The following ERG variants were observed in gnomAD, a reference collection of about 807,000 sequenced individuals.
The protein encoded by ERG is ETS transcription factor ERG.
A neutral mutation model predicts 55.3 loss-of-function variants in ERG; 9 were observed. That is an observed-to-expected ratio of 0.16 (90% CI 0.10 to 0.28). The LOEUF (loss-of-function observed/expected upper bound fraction) is 0.28. Among genes scored for constraint, ERG ranks in the 10% least tolerant of loss-of-function variants. The pLI, the probability that ERG is intolerant of heterozygous loss-of-function variation, is 1.00. For missense variants in ERG, 434 were observed against 631.6 expected, an observed-to-expected ratio of 0.69 and a Z score of 3.35; for synonymous variants, 223 against 237.3, an observed-to-expected ratio of 0.94 and a Z score of 0.55.
intron 1 of ERG, among the ~76,000 whole-genome samples, chr21:38,657,003 C>T (rs2060523462): frequency 6.6e-6 from 1 of 152,056 alleles, no homozygotes; most frequent in Non-Finnish European, 1.5e-5. Context: ...TAAAACAATT[C>T]AAAATCATAG....
chr21:38,367,653 A>G, the ERG span: 3 of 514,796 alleles, frequency 5.8e-6, no homozygotes, highest in Non-Finnish European at 1.1e-5. Context: ...TCCAACCTAT[A>G]CAAAAAGGGT....
chr21:38,648,020 C>A (rs913964454), intron 1 of ERG, among the ~76,000 whole-genome samples: 2 of 152,246 alleles, frequency 1.3e-5, no homozygotes, highest in Non-Finnish European at 2.9e-5. Flanking sequence ...TGTTAAGTGT[C>A]CAATGCAGCA....
chr21:38,423,535 G>T lies in ERG; in HGVS notation c.263C>A (p.Ala88Asp), dbSNP rs775515463. Residue 88 changes from alanine (A) to aspartate (D), a missense_variant, in exon 3 of 10, where the codon GCC (alanine) becomes GAC (aspartate). Coordinates refer to ENST00000288319, the MANE Select transcript of ERG (RefSeq NM_182918.4). ...SRNSPDECSV[A>D]KGGKMVGSPD... ...GCTGCCCACCATCTTCCCGCCTTTG[G>T]CCACACTGCATTCATCAGGAGAGTT... 1 of 1,613,844 alleles carries T rather than the reference G, an allele frequency of 6.2e-7. No individual in the cohort carries two copies. The highest frequency in any genetic ancestry group is 1.3e-5 in the African/African-American group (1 of 74,922).
intron 3 of ERG, among the ~76,000 whole-genome samples, chr21:38,417,022 G>T (rs1198346108): frequency 2.0e-5 from 3 of 152,200 alleles, no homozygotes; most frequent in African/African-American, 7.2e-5. Context: ...CTGAAATACT[G>T]GTCTGAGTCA....
chr21:38,586,431 C>T (rs1451953904), upstream of ERG, among the ~76,000 whole-genome samples: 1 of 152,046 alleles, frequency 6.6e-6, no homozygotes, highest in Non-Finnish European at 1.5e-5. Flanking sequence ...TCCTGTCTAA[C>T]TGAAATTTTG....
At chr21:38,620,915 G>GA (rs541508292) in intron 1 of ERG, among the ~76,000 whole-genome samples, 136 of 152,354 alleles carry the variant, frequency 8.9e-4, no homozygotes, top group African/African-American at 3.1e-3. Flanking sequence ...TGTTCAGTAA[G>GA]AAGGACCTTA....
Position 38,421,385 on chromosome 21 carries a change from C to T in ERG, c.388+2025G>A, listed in dbSNP as rs117446203. Among the ~76,000 whole-genome samples, 798 of 152,318 alleles carry T rather than the reference C, an allele frequency of 5.2e-3. 10 individuals carry two copies. The highest frequency in any genetic ancestry group is 0.015 in the South Asian group (73 of 4,822). On this transcript the variant is annotated intron_variant, in intron 3 of 9. Transcript: ENST00000288319. ...ACCCCACTGCATCGAACCAGCTTTACGTGTTTGCTGAAAGTCACATGGTGA... is the reference window on the plus strand; with the variant it reads ...ACCCCACTGCATCGAACCAGCTTTATGTGTTTGCTGAAAGTCACATGGTGA...
intron 2 of ERG, among the ~76,000 whole-genome samples, chr21:38,507,368 C>T (rs1280203497): frequency 6.6e-6 from 1 of 152,218 alleles, no homozygotes; most frequent in Non-Finnish European, 1.5e-5. Context: ...ATTCCTTTTT[C>T]AATCAACCAG....
intron 2 of ERG, among the ~76,000 whole-genome samples, chr21:38,568,198 A>AGTATCTCCCCTTCCACTGCTATATGCT (rs2059935065): frequency 6.6e-6 from 1 of 152,112 alleles, no homozygotes; most frequent in Non-Finnish European, 1.5e-5. Flanking sequence ...TGCTATATGC[A>AGTATCTCCCCTTCCACTGCTATATGCT]CCAGTATGCT....
At chr21:38,465,854 T>C (rs1418972889) in intron 1 of ERG, among the ~76,000 whole-genome samples, 1 of 152,178 alleles carries the variant, frequency 6.6e-6, no homozygotes, top group Non-Finnish European at 1.5e-5. Context: ...TCATCCTCCT[T>C]GATCCCATCC....
chr21:38,573,601 A>G lies in ERG; in HGVS notation c.-41+2061T>C, dbSNP rs372386972. 5.8e-4 allele frequency among the ~76,000 whole-genome samples: 89 copies of G among 152,306 alleles called. 2 individuals carry two copies. In the East Asian group the frequency reaches 7.3e-3, roughly 13 times the overall value. ...ACCTTCCCTTGAACTTAATTATGAC[A>G]TAGATTCTTTTGCTCACATGTTTTT... On this transcript the variant is annotated intron_variant, in intron 2 of 8. Coordinates refer to the ERG transcript ENST00000398897.
At chr21:38,570,140 T>C (rs1326556702) in intron 2 of ERG, among the ~76,000 whole-genome samples, 5 of 152,180 alleles carry the variant, frequency 3.3e-5, no homozygotes, top group Non-Finnish European at 5.9e-5. Context: ...AATACAAAAG[T>C]GCTTGTACAA....
In ERG at chr21:38,391,010, G is replaced by A. The variant is rs1401427882; in HGVS notation, c.904C>T (p.Arg302Cys). Reference sequence around the variant, plus strand: ...AGTTTCTCACCTGGATTTGCAAGGCGGCTACTTGTTGGTCCAAGAATCTGA... The same window carrying A: ...AGTTTCTCACCTGGATTTGCAAGGCAGCTACTTGTTGGTCCAAGAATCTGA... The part of the protein sequence containing the change: ...PYQILGPTSS[R>C]LANPGSGQIQ... Residue 302 changes from arginine to cysteine, a missense_variant, in exon 9 of 10, where the codon CGC (arginine) becomes TGC (cysteine). This residue lies in a region of ERG where 99 missense variants were observed against 145.6 expected (regional missense o/e 0.68). Coordinates refer to ENST00000288319, the MANE Select transcript of ERG (RefSeq NM_182918.4). 10 of 1,613,356 alleles carry A rather than the reference G, an allele frequency of 6.2e-6. No individual in the cohort carries two copies. The highest frequency in any genetic ancestry group is 1.7e-5 in the Admixed American group (1 of 59,868).
intron 3 of ERG, among the ~76,000 whole-genome samples, chr21:38,407,886 T>C (rs984085951): frequency 1.4e-5 from 2 of 147,452 alleles, no homozygotes; most frequent in Non-Finnish European, 3.0e-5. Flanking sequence ...AAATATATAA[T>C]ATATATAGAA....
rs925574165 is a variant in ERG, at chr21:38,380,296, A to G, written c.*3107T>C. ...CCTCCGGCTCCTGCTCCTGGGTTGC[A>G]GGTGCCACATCTGTGCAGAAGGCTT... On this transcript the variant is annotated 3_prime_UTR_variant, in exon 10 of 10. Transcript: ENST00000288319. 8 of 1,055,008 alleles carry G rather than the reference A, an allele frequency of 7.6e-6. No homozygotes were observed. Among genetic ancestry groups the G allele is most frequent in the Non-Finnish European group, 9.2e-6 (8 of 872,908 alleles). 65.4% of individuals were successfully genotyped at this position (1,055,008 alleles called of 1,614,324 possible). A position where few individuals can be genotyped will look rare whatever the true frequency, so the allele number is the denominator to read the frequency against.
intron 1 of ERG, among the ~76,000 whole-genome samples, chr21:38,590,884 G>A (rs2060096498): frequency 6.6e-6 from 1 of 152,230 alleles, no homozygotes; most frequent in South Asian, 2.1e-4. Context: ...ATGCCAGAGT[G>A]TAGCTTGGTT....
chr21:38,409,488 TAAAAAAAAA>T (rs71330329), intron 3 of ERG, among the ~76,000 whole-genome samples: 1 of 79,538 alleles, frequency 1.3e-5, no homozygotes, highest in Non-Finnish European at 2.3e-5. Flanking sequence ...CTCCGTCTCA[TAAAAAAAAA>T]AAAAAAAAAA....
intron 1 of ERG, among the ~76,000 whole-genome samples, chr21:38,458,027 C>A (rs1416203309): frequency 2.0e-5 from 3 of 152,208 alleles, no homozygotes; most frequent in Non-Finnish European, 2.9e-5. Flanking sequence ...AAGAACAGGG[C>A]AGCTGGAAGT....
chr21:38,559,045 GC>G (rs2059875946), intron 2 of ERG, among the ~76,000 whole-genome samples: 2 of 152,338 alleles, frequency 1.3e-5, no homozygotes, highest in South Asian at 4.1e-4. Context: ...CAGAACCGGT[GC>G]CTCAGGCTGG....
Sources: gnomAD v4.1 joint callset for allele counts (sites outside exome capture counted in the v4.1 genomes callset) on GRCh38, gnomAD v4.1.1 for gene constraint, gnomAD v4.1.1 regional missense constraint, MANE v1.5 for transcripts, NCBI Gene and HGNC (gene_info 2026-07-23, HGNC 2026-07-21) for gene names.